EXOC2: variants seen among roughly 807,000 people sequenced by gnomAD.
EXOC2 encodes the protein SEC5-like 1.
EXOC2 carries 70 observed loss-of-function variants against 131.8 expected under a neutral mutation model. That is an observed-to-expected ratio of 0.53 (90% CI 0.44 to 0.65). The LOEUF is 0.65. Ranked by LOEUF, EXOC2 falls within the 30% of genes least tolerant of loss-of-function variation. EXOC2 has a pLI of 0.00. For synonymous variants in EXOC2, 411 were observed against 398.4 expected, an observed-to-expected ratio of 1.03 and a Z score of -0.38; for missense variants, 923 against 1,108.6, an observed-to-expected ratio of 0.83 and a Z score of 2.38.
At chr6:566,128 C>G (rs1015045411) in intron 13 of EXOC2, among the ~76,000 whole-genome samples, 5 of 152,092 alleles carry the variant, frequency 3.3e-5, no homozygotes, top group Admixed American at 2.0e-4. Flanking sequence ...AAAACTAAAC[C>G]TGCAATCCAT....
intron 11 of EXOC2, among the ~76,000 whole-genome samples, chr6:589,864 T>C (rs1759435195): frequency 6.6e-6 from 1 of 152,170 alleles, no homozygotes; most frequent in African/African-American, 2.4e-5. Flanking sequence ...CCCAGCACTT[T>C]GGGAGGCCGA....
At chr6:656,018 G>T in intron 1 of EXOC2, 1 of 933,834 alleles carries the variant, frequency 1.1e-6, no homozygotes, top group Non-Finnish European at 1.7e-6. Context: ...AGTCAGTGAA[G>T]GTCCAAATTT....
intron 1 of EXOC2, chr6:656,923 TG>T (rs763402467): frequency 1.3e-6 from 2 of 1,531,508 alleles, no homozygotes; most frequent in Non-Finnish European, 8.8e-7. Context: ...CCTTTGCCGG[TG>T]ATCTTGGCGC....
intron 23 of EXOC2, among the ~76,000 whole-genome samples, chr6:502,019 G>A (rs1036806222): frequency 6.6e-6 from 1 of 152,148 alleles, no homozygotes; most frequent in Non-Finnish European, 1.5e-5. Flanking sequence ...CCGCTGCTGT[G>A]GGGGCACTGG....
intron 5 of EXOC2, 30 bp downstream of exon 5, chr6:619,400 T>G (rs1761170758): frequency 1.9e-6 from 3 of 1,551,804 alleles, no homozygotes; most frequent in African/African-American, 1.4e-5. Flanking sequence ...AGTGAAACCC[T>G]TCACAGTTGA....
intron 7 of EXOC2, among the ~76,000 whole-genome samples, chr6:599,755 T>C (rs1581527097): frequency 6.6e-6 from 1 of 152,318 alleles, no homozygotes; most frequent in East Asian, 1.9e-4. Context: ...AAGAAAATTA[T>C]ATAAGTAATT....
rs1051436092 is a variant in EXOC2, at chr6:629,351, A to G, written c.422+484T>C. Among the ~76,000 whole-genome samples the G allele has an allele frequency of 3.9e-5, 6 of 152,386 alleles. No homozygotes were observed. In the East Asian group the frequency reaches 1.2e-3, roughly 29 times the overall value. On this transcript the variant is annotated intron_variant, in intron 4 of 27. Coordinates refer to ENST00000230449, the MANE Select transcript of EXOC2 (RefSeq NM_018303.6). ...AAAACTCTAGATTCAGTTATAAGGCATCTTGAAAGATATCATTTACCTGGC... is the reference window on the plus strand; with the variant it reads ...AAAACTCTAGATTCAGTTATAAGGCGTCTTGAAAGATATCATTTACCTGGC...
chr6:581,304 A>C (rs931286437), intron 11 of EXOC2, among the ~76,000 whole-genome samples: 233 of 144,538 alleles, frequency 1.6e-3, no homozygotes, highest in African/African-American at 4.3e-3. Flanking sequence ...TCAAAAAAAA[A>C]AAAAAAAAGT....
rs546627880 is a variant in EXOC2 at position 567,563 on chromosome 6, T to C, written c.1444-2634A>G. On this transcript the variant is annotated intron_variant, in intron 13 of 27. Transcript: ENST00000230449. ...TTTATTTATATTGTAGATATGTATA[T>C]GTGTAAATTTATGTGTATGTCTACA... is the stretch of plus-strand genomic sequence containing the variant. Among the ~76,000 whole-genome samples the C allele has an allele frequency of 4.6e-5, 7 of 152,348 alleles. No homozygotes were observed. The South Asian group carries it at 1.5e-3, about 32-fold the overall frequency.
At chr6:495,664 C>G (rs1360077267) in intron 25 of EXOC2, among the ~76,000 whole-genome samples, 2 of 152,292 alleles carry the variant, frequency 1.3e-5, no homozygotes, top group Non-Finnish European at 1.5e-5. Flanking sequence ...CGTGTGAGAG[C>G]TCTAGTTCCA....
chr6:653,711 A>T (rs912211135), intron 1 of EXOC2, among the ~76,000 whole-genome samples: 1 of 152,264 alleles, frequency 6.6e-6, no homozygotes, highest in Non-Finnish European at 1.5e-5. Flanking sequence ...TCTAGCTATT[A>T]TAAGATCACT....
Position 549,262 on chromosome 6 carries a change from A to G in EXOC2, c.2151T>C (p.Asn717=), listed in dbSNP as rs1462808882. 1 of 1,614,222 alleles carries G rather than the reference A, an allele frequency of 6.2e-7. No homozygotes were observed. The part of the protein sequence containing the change: ...SEQRLLIVLS[N]CCYLERHTFL... ...AGGTGTGACGTTCTAGATAGCAGCA[A>G]TTACTTAGGACTATCAAAAGGCGCT... Residue 717 remains asparagine (N), a synonymous_variant, in exon 22 of 28, where the codon AAT becomes AAC. Coordinates refer to ENST00000230449, the MANE Select transcript of EXOC2 (RefSeq NM_018303.6).
At position 629,918 on chromosome 6, in the gene EXOC2, A is replaced by G; in HGVS notation, c.339T>C (p.Tyr113=). The change falls in exon 4 of 28, where the codon TAT becomes TAC. Residue 113 remains tyrosine (Y), a synonymous_variant. Coordinates refer to ENST00000230449, the MANE Select transcript of EXOC2 (RefSeq NM_018303.6). ...QSAVWVDEMN[Y]YDMRTDRNKG... is the part of the protein sequence containing the mutation. ...TGTTCCTGTCAGTGCGCATATCATA[A>G]TAATTCATTTCATCAACCCACACAG... is the stretch of plus-strand genomic sequence containing the variant. The G allele has an allele frequency of 6.2e-7, 1 of 1,614,132 alleles. No homozygotes were observed. Among genetic ancestry groups the G allele is most frequent in the Non-Finnish European group, 8.5e-7 (1 of 1,179,974 alleles).
intron 22 of EXOC2, among the ~76,000 whole-genome samples, chr6:547,584 T>C (rs553393403): frequency 4.7e-4 from 71 of 152,334 alleles, no homozygotes; most frequent in African/African-American, 1.6e-3. Context: ...ACCTTTCCCT[T>C]TGATGCCAGA....
intron 22 of EXOC2, among the ~76,000 whole-genome samples, chr6:541,254 A>G (rs1290107113): frequency 6.6e-6 from 1 of 152,238 alleles, no homozygotes; most frequent in Non-Finnish European, 1.5e-5. Context: ...AGAATATTAA[A>G]ATTCAAAACT....
intron 4 of EXOC2, among the ~76,000 whole-genome samples, chr6:622,838 T>C (rs559156991): frequency 6.6e-6 from 1 of 152,328 alleles, no homozygotes; most frequent in South Asian, 2.1e-4. Context: ...ATTTTTAAAA[T>C]TCCCCTGATA....
chr6:618,273 A>G (rs1030277487), intron 5 of EXOC2, among the ~76,000 whole-genome samples: 2 of 152,240 alleles, frequency 1.3e-5, no homozygotes, highest in Admixed American at 1.3e-4. Context: ...CACTAAGCAT[A>G]ATGTTATACT....
At chr6:639,936 G>A (rs1223543559) in intron 1 of EXOC2, among the ~76,000 whole-genome samples, 1 of 152,190 alleles carries the variant, frequency 6.6e-6, no homozygotes, top group South Asian at 2.1e-4. Context: ...CAAAGGGAAA[G>A]GGAGGATAGG....
intron 21 of EXOC2, among the ~76,000 whole-genome samples, chr6:551,664 G>C (rs1455221386): frequency 6.6e-6 from 1 of 152,216 alleles, no homozygotes; most frequent in African/African-American, 2.4e-5. Context: ...GCAAGGGGAA[G>C]ACTCCAGCAG....
Sources: gnomAD v4.1 joint callset for allele counts (sites outside exome capture counted in the v4.1 genomes callset) on GRCh38, gnomAD v4.1.1 for gene constraint, MANE v1.5 for transcripts, NCBI Gene and HGNC (gene_info 2026-07-23, HGNC 2026-07-21) for gene names.